The following PLEKHA4 variants were observed in gnomAD, a reference collection of about 807,000 sequenced individuals.
The protein encoded by PLEKHA4 is pleckstrin homology domain containing A4, also known as pleckstrin homology domain-containing family A member 4.
Under a neutral mutation model 94.7 loss-of-function variants are expected in PLEKHA4, and 73 were observed. The observed-to-expected ratio is 0.77, with a 90% CI of 0.64 to 0.94. The LOEUF is 0.94. PLEKHA4 is among the 40% of genes least tolerant of loss of function. The probability of loss-of-function intolerance (pLI) is 0.00; values close to 1 mark genes in which losing one functional copy is unlikely to be tolerated. For missense variants in PLEKHA4, 1,049 were observed against 1,054.1 expected (o/e 1.00, Z 0.07); for synonymous variants, 449 against 437.1 (o/e 1.03, Z -0.34).
intron 9 of PLEKHA4, among the ~76,000 whole-genome samples, chr19:48,856,086 C>T (rs1293077546): frequency 3.3e-5 from 5 of 150,366 alleles, no homozygotes; most frequent in East Asian, 2.0e-4. Flanking sequence ...GCAGGAGAAT[C>T]GCTTGAACCC....
chr19:48,850,798 C>G (rs1188549383), intron 13 of PLEKHA4, among the ~76,000 whole-genome samples: 1 of 150,894 alleles, frequency 6.6e-6, no homozygotes, highest in East Asian at 2.0e-4. Flanking sequence ...GTCTGGGCAA[C>G]AGAACGAGAC....
chr19:48,861,663 G>T lies in PLEKHA4; in HGVS notation c.222C>A (p.Arg74=). The change falls in exon 4 of 20, where the codon CGC becomes CGA. Residue 74 remains arginine (R), a synonymous_variant. Transcript: ENST00000263265. ...QDSSGLRLWK[R]RWFVLSGHCL... ...AATGGCCGGAGAGGACGAACCAGCG[G>T]CGTTTCCAGAGACGGAGCCCCGAGC... 2 of 1,614,218 alleles carry T rather than the reference G, an allele frequency of 1.2e-6. No individual in the cohort carries two copies. The highest frequency in any genetic ancestry group is 1.7e-6 in the Non-Finnish European group (2 of 1,180,024).
intron 17 of PLEKHA4, among the ~76,000 whole-genome samples, chr19:48,839,897 A>G (rs1029688735): frequency 3.3e-5 from 5 of 151,734 alleles, no homozygotes; most frequent in African/African-American, 9.7e-5. Context: ...TCAGGAGTTT[A>G]AGAACAGCCT....
At position 48,854,019 on chromosome 19, in the gene PLEKHA4, C is replaced by T. The variant is rs2036305484; in HGVS notation, c.1164G>A (p.Lys388=). 1 of 1,614,126 alleles carries T rather than the reference C, an allele frequency of 6.2e-7. No individual in the cohort carries two copies. ...LRRLQEEIDQ[K]QEEKEQLEAA... Reference sequence around the variant, plus strand: ...CAGGGCCCCGCACCTTCTCCTCCTGCTTCTGGTCTATCTCCTCCTGCAGCC... The same window carrying T: ...CAGGGCCCCGCACCTTCTCCTCCTGTTTCTGGTCTATCTCCTCCTGCAGCC... The change falls in exon 11 of 20, where the codon AAG becomes AAA. Residue 388 remains lysine, a synonymous_variant. Coordinates refer to ENST00000263265, the MANE Select transcript of PLEKHA4 (RefSeq NM_020904.3).
chr19:48,843,325 T>C (rs1276465736), intron 16 of PLEKHA4, among the ~76,000 whole-genome samples: 5 of 151,520 alleles, frequency 3.3e-5, no homozygotes, highest in South Asian at 2.1e-4. Context: ...ATTACAGGCA[T>C]GTGCCACCAC....
Position 48,853,648 on chromosome 19 carries a change from TCCTAGGAGGGCAGGCC to T in PLEKHA4, c.1326+18_1326+33del. 6.7e-7 allele frequency: 1 copy of T among 1,484,792 alleles called. No individual in the cohort carries two copies. The highest frequency in any genetic ancestry group is 8.9e-7 in the Non-Finnish European group (1 of 1,120,558). The allele number at this position is 1,484,792 out of a possible 1,614,324, so 92.0% of individuals were successfully genotyped here. ...TAACGACTTGCATAGTCCTGGGGCC[TCCTAGGAGGGCAGGCC>T]CCTTCCCAGGTGCTCACCTGAGTCA... On this transcript the variant is annotated intron_variant, in intron 12 of 19. Coordinates refer to ENST00000263265, the MANE Select transcript of PLEKHA4 (RefSeq NM_020904.3).
rs147161008 is a variant in PLEKHA4 at position 48,861,848 on chromosome 19, G to A, written c.193-156C>T. Reference sequence around the variant, plus strand: ...GGGATCAAGAGAGTGGGGTGAGGCCGAGCACAATGGCTCACGCCTGTAATC... The same window carrying A: ...GGGATCAAGAGAGTGGGGTGAGGCCAAGCACAATGGCTCACGCCTGTAATC... On this transcript the variant is annotated intron_variant, in intron 3 of 19. Transcript: ENST00000263265. Among the ~76,000 whole-genome samples the A allele has an allele frequency of 4.5e-3, 678 of 152,098 alleles. 1 individual carries two copies. The highest frequency in any genetic ancestry group is 0.014 in the African/African-American group (599 of 41,458).
chr19:48,860,008 T>C (rs947582670), intron 6 of PLEKHA4: 10 of 557,120 alleles, frequency 1.8e-5, no homozygotes, highest in Non-Finnish European at 2.8e-5. Context: ...TAAAATCTGA[T>C]ACTATCTTTT....
chr19:48,839,310 G>A (rs752912414), intron 17 of PLEKHA4, 47 bp from the exon 18 acceptor site: 23 of 1,368,476 alleles, frequency 1.7e-5, no homozygotes, highest in South Asian at 5.8e-5. Flanking sequence ...GAAGCCCCAC[G>A]TTCTCATTTT....
rs201547716 is a variant in PLEKHA4 at position 48,865,601 on chromosome 19, G to A, written c.94C>T (p.Arg32Trp). 94 of 1,612,716 alleles carry A rather than the reference G, an allele frequency of 5.8e-5. No homozygotes were observed. In the East Asian group the frequency reaches 1.2e-3, roughly 21 times the overall value. ...AAGGCGTGGATCTTGTTTACTGCCC[G>A]GGTGGGCTTCTGAGGAGAGAAGGGG... ...LSSLSPKKPT[R>W]AVNKIHAFGK... The change falls in exon 3 of 20, where the codon CGG becomes TGG. Residue 32 changes from arginine to tryptophan, a missense_variant. Arg to Trp is a moderately radical substitution (Grantham distance 101). Coordinates refer to ENST00000263265, the MANE Select transcript of PLEKHA4 (RefSeq NM_020904.3).
At chr19:48,855,804 T>G (rs2036382194) in intron 9 of PLEKHA4, among the ~76,000 whole-genome samples, 2 of 150,194 alleles carry the variant, frequency 1.3e-5, no homozygotes, top group South Asian at 2.1e-4. Flanking sequence ...AATAAATAAT[T>G]TTTTTTAATT....
intron 16 of PLEKHA4, among the ~76,000 whole-genome samples, chr19:48,844,117 A>ATT (rs1206950333): frequency 7.5e-6 from 1 of 132,884 alleles, no homozygotes; most frequent in African/African-American, 2.8e-5. Flanking sequence ...TGCCTTATTT[A>ATT]TTTTATTATT....
intron 3 of PLEKHA4, among the ~76,000 whole-genome samples, chr19:48,863,434 T>G (rs1212507798): frequency 1.0e-5 from 1 of 96,730 alleles, no homozygotes; most frequent in Admixed American, 1.0e-4. Flanking sequence ...GGTTTTTTGT[T>G]TTTTTTTTTT....
In PLEKHA4 at chr19:48,844,321, AT is replaced by A. The variant is rs370510997; in HGVS notation, c.1743+1048del. On this transcript the variant is annotated intron_variant, in intron 16 of 19. Transcript: ENST00000263265. ...AGGCACCCGCCATCACGCTCGGATA[AT>A]TTTTGTATTTTTGTAGAGACAGGGT... is the stretch of plus-strand genomic sequence containing the variant. 3.5e-4 allele frequency: 121 copies of A among 345,176 alleles called. 1 individual carries two copies. The highest frequency in any genetic ancestry group is 2.7e-3 in the African/African-American group (117 of 44,088). 21.4% of individuals were successfully genotyped at this position (345,176 alleles called of 1,614,324 possible).
At chr19:48,865,736 C>T (rs981590572) in intron 2 of PLEKHA4, 126 bp from the exon 3 acceptor site, 23 of 624,596 alleles carry the variant, frequency 3.7e-5, no homozygotes, top group East Asian at 3.1e-4. Flanking sequence ...AAGGACCAGC[C>T]GGGCGCAGTG....
chr19:48,850,624 C>T (rs142752291), intron 13 of PLEKHA4, among the ~76,000 whole-genome samples: 15,098 of 151,896 alleles, frequency 0.099, 999 homozygotes, highest in Non-Finnish European at 0.14. Flanking sequence ...TCAAGACCAG[C>T]CGGACCAACA....
intron 17 of PLEKHA4, among the ~76,000 whole-genome samples, chr19:48,839,779 C>G (rs1402530070): frequency 6.6e-6 from 1 of 151,950 alleles, no homozygotes; most frequent in Non-Finnish European, 1.5e-5. Context: ...CCACCACCAC[C>G]TGTGACTTGT....
chr19:48,838,833 C>A (rs960167353), intron 18 of PLEKHA4, among the ~76,000 whole-genome samples: 2 of 151,834 alleles, frequency 1.3e-5, no homozygotes, highest in Non-Finnish European at 2.9e-5. Context: ...AGTGGGGACC[C>A]GGGTACCGCA....
At chr19:48,849,355 C>A (rs1256552055) in intron 13 of PLEKHA4, among the ~76,000 whole-genome samples, 1 of 152,148 alleles carries the variant, frequency 6.6e-6, no homozygotes, top group African/African-American at 2.4e-5. Flanking sequence ...ATCACCCAGG[C>A]TGGAGTGCAG....
Sources: allele counts gnomAD v4.1 joint callset (sites outside exome capture counted in the v4.1 genomes callset), GRCh38; gene constraint gnomAD v4.1.1; transcripts MANE v1.5; gene names NCBI Gene and HGNC (gene_info 2026-07-23, HGNC 2026-07-21).